The following HECTD4 variants were observed in gnomAD, a reference collection of about 807,000 sequenced individuals.
The protein encoded by HECTD4 is probable E3 ubiquitin-protein ligase HECTD4.
Under a neutral mutation model 471.5 loss-of-function variants are expected in HECTD4, and 114 were observed. The observed-to-expected ratio is 0.24, with a 90% CI of 0.21 to 0.28. HECTD4 has a LOEUF of 0.28. HECTD4 is among the 10% of genes least tolerant of loss of function. The probability of loss-of-function intolerance (pLI) is 1.00; values close to 1 mark genes in which losing one functional copy is unlikely to be tolerated. For synonymous variants in HECTD4, 2,012 were observed against 2,256.0 expected (o/e 0.89, Z 3.07); for missense variants, 3,866 against 5,651.5 (o/e 0.68, Z 10.13).
chr12:112,347,915 A>G (rs1353180376), intron 1 of HECTD4, among the ~76,000 whole-genome samples: 1 of 152,240 alleles, frequency 6.6e-6, no homozygotes, highest in Non-Finnish European at 1.5e-5. Context: ...ACAGGACAAT[A>G]TACAGAATTC....
At position 112,264,108 on chromosome 12, in the gene HECTD4, C is replaced by T. The variant is rs780383121; in HGVS notation, c.2724G>A (p.Leu908=). ...CCTGTACCTTCAATGTCTCTCCCTG[C>T]AAGGAGCTGTCACTGTCATCATTCT... ...PDENDDSDSS[L]QGETLKVQEL... The change falls in exon 17 of 76, where the codon TTG becomes TTA. Residue 908 remains leucine, a synonymous_variant. Transcript: ENST00000682272. 6.2e-7 allele frequency: 1 copy of T among 1,609,834 alleles called. No individual in the cohort carries two copies. Among genetic ancestry groups the T allele is most frequent in the Admixed American group, 1.7e-5 (1 of 59,484 alleles).
At chr12:112,292,384 A>G (rs2034906453) in intron 7 of HECTD4, among the ~76,000 whole-genome samples, 1 of 152,136 alleles carries the variant, frequency 6.6e-6, no homozygotes, top group Non-Finnish European at 1.5e-5. Flanking sequence ...CCCACACCAA[A>G]CACACACTAA....
In HECTD4 at chr12:112,265,954, G is replaced by A. The variant is rs774003158; in HGVS notation, c.2422C>T (p.Arg808Trp). ...GERNSGLSQLRDVILTNLAEQ... is the reference protein window; with the variant it reads ...GERNSGLSQLWDVILTNLAEQ... Reference sequence around the variant, plus strand: ...GCCAGGTTGGTTAGGATCACATCCCGTAGCTGGGAGAGTCCACTGTTTCTC... The same window carrying A: ...GCCAGGTTGGTTAGGATCACATCCCATAGCTGGGAGAGTCCACTGTTTCTC... Residue 808 changes from arginine (R) to tryptophan (W), a missense_variant, in exon 15 of 76, where the codon CGG (arginine) becomes TGG (tryptophan). Physicochemically the swap from Arg to Trp is moderately radical, Grantham distance 101 (BLOSUM62 -3). This residue lies in a region of HECTD4 where 525 missense variants were observed against 672.6 expected (regional missense o/e 0.78). Transcript: ENST00000682272. The A allele has an allele frequency of 3.1e-6, 5 of 1,613,692 alleles. No homozygotes were observed. Among genetic ancestry groups the A allele is most frequent in the Admixed American group, 1.7e-5 (1 of 59,998 alleles).
At position 112,213,572 on chromosome 12, in the gene HECTD4, G is replaced by C. The variant is rs1036315574; in HGVS notation, c.7466-922C>G. ...TAGGTGGCAGGCACCTGTAGTCCCA[G>C]CTACTTGGGAGGCTGAGGCAGAAGA... On this transcript the variant is annotated intron_variant, in intron 48 of 75. Coordinates refer to ENST00000682272, the MANE Select transcript of HECTD4 (RefSeq NM_001388303.1). This position sits in a 1 kb window ranked among gnomAD's most constrained non-coding sequence, Gnocchi z 4.0. Among the ~76,000 whole-genome samples the C allele has an allele frequency of 6.6e-6, 1 of 151,842 alleles. No individual in the cohort carries two copies. Among genetic ancestry groups the C allele is most frequent in the African/African-American group, 2.4e-5 (1 of 41,372 alleles).
chr12:112,231,536 T>A lies in HECTD4; in HGVS notation c.6177A>T (p.Arg2059=). ...ACCTTGCAAGCTCCGAGTTCCTCTCTCGGCAAATGGAAGTTTGGGCAGTTT... is the reference window on the plus strand; with the variant it reads ...ACCTTGCAAGCTCCGAGTTCCTCTCACGGCAAATGGAAGTTTGGGCAGTTT... The part of the protein sequence containing the change: ...KKKTAQTSIC[R]ERNSELARTD... Residue 2059 remains arginine, a synonymous_variant, in exon 39 of 76, where the codon CGA becomes CGT. Transcript: ENST00000682272. The A allele has an allele frequency of 6.2e-7, 1 of 1,614,076 alleles. No homozygotes were observed. The highest frequency in any genetic ancestry group is 8.5e-7 in the Non-Finnish European group (1 of 1,179,904).
At chr12:112,247,593 G>A (rs994939683) in intron 27 of HECTD4, 43 bp from the exon 28 acceptor site, 2 of 937,396 alleles carry the variant, frequency 2.1e-6, no homozygotes, top group African/African-American at 3.4e-5. Flanking sequence ...CAAGAACCAA[G>A]TTTTACTATA....
intron 48 of HECTD4, 34 bp from the exon 49 acceptor site, chr12:112,212,684 C>T (rs2032798516): frequency 6.4e-7 from 1 of 1,561,180 alleles, no homozygotes; most frequent in Non-Finnish European, 8.7e-7. Context: ...AACATATTTT[C>T]TCCCTTTTAT....
At chr12:112,334,494 T>C (rs989492120) in intron 1 of HECTD4, among the ~76,000 whole-genome samples, 1 of 151,816 alleles carries the variant, frequency 6.6e-6, no homozygotes, top group Admixed American at 6.6e-5. Flanking sequence ...ACCTTACTCC[T>C]GCAAGAATGG....
chr12:112,319,574 C>T lies in HECTD4; in HGVS notation c.346G>A (p.Glu116Lys). Residue 116 changes from glutamate (E) to lysine (K), a missense_variant, in exon 2 of 76, where the codon GAA becomes AAA. Glu to Lys is a moderately conservative substitution (Grantham distance 56). Coordinates refer to ENST00000682272, the MANE Select transcript of HECTD4 (RefSeq NM_001388303.1). This position sits in a 1 kb window ranked among gnomAD's most constrained non-coding sequence, Gnocchi z 5.3. Reference sequence around the variant, plus strand: ...AAAGTTTCCTCATCACCTGAACTTTCCCTTTCATGCTGTTCTTCTAAGGCC... The same window carrying T: ...AAAGTTTCCTCATCACCTGAACTTTTCCTTTCATGCTGTTCTTCTAAGGCC... ...QLALEEQHER[E>K]SSGDEETLAL... is the part of the protein sequence containing the mutation. 7.0e-7 allele frequency: 1 copy of T among 1,432,504 alleles called. No homozygotes were observed. The highest frequency in any genetic ancestry group is 9.1e-7 in the Non-Finnish European group (1 of 1,098,314). 88.7% of individuals were successfully genotyped at this position (1,432,504 alleles called of 1,614,324 possible).
chr12:112,178,901 T>C (rs2137019229), intron 64 of HECTD4, 30 bp downstream of exon 64: 1 of 1,585,226 alleles, frequency 6.3e-7, no homozygotes, highest in Non-Finnish European at 8.6e-7. Flanking sequence ...GCCCACAGGC[T>C]GGGCTGCCCA....
In HECTD4 at chr12:112,331,534, C is replaced by T. The variant is rs565839348; in HGVS notation, c.178-11792G>A. Among the ~76,000 whole-genome samples, 7 of 152,314 alleles carry T rather than the reference C, an allele frequency of 4.6e-5. No homozygotes were observed. In the South Asian group the frequency reaches 1.0e-3, roughly 23 times the overall value. On this transcript the variant is annotated intron_variant, in intron 1 of 75. Coordinates refer to ENST00000682272, the MANE Select transcript of HECTD4 (RefSeq NM_001388303.1). ...AGTCTGTATTTCCGCATCTATAAAA[C>T]GAGGGTAGCACCTCCCTTCATTTTA...
chr12:112,380,010 A>G (rs1342135043), intron 1 of HECTD4, among the ~76,000 whole-genome samples: 3 of 152,130 alleles, frequency 2.0e-5, no homozygotes, highest in Non-Finnish European at 4.4e-5. Context: ...AAATTCACGC[A>G]ATACATTTAT....
At chr12:112,312,842 G>C (rs1253744839) in intron 4 of HECTD4, among the ~76,000 whole-genome samples, 175 bp downstream of exon 4, 1 of 152,084 alleles carries the variant, frequency 6.6e-6, no homozygotes, top group African/African-American at 2.4e-5. Context: ...TACCTCACCA[G>C]TATCAGCTTT....
In HECTD4 at chr12:112,216,755, G is replaced by A; in HGVS notation, c.7385+18C>T. The A allele has an allele frequency of 1.3e-5, 21 of 1,611,374 alleles. No homozygotes were observed. The highest frequency in any genetic ancestry group is 2.2e-5 in the East Asian group (1 of 44,780). ...AGGCTACTGCTCTCTGTCACACTGA[G>A]CTACTTCTTTTACTTACTTATGGAA... On this transcript the variant is annotated intron_variant, in intron 47 of 75. Coordinates refer to ENST00000682272, the MANE Select transcript of HECTD4 (RefSeq NM_001388303.1).
At chr12:112,211,640 T>C (rs548747130) in intron 49 of HECTD4, among the ~76,000 whole-genome samples, 2 of 151,916 alleles carry the variant, frequency 1.3e-5, no homozygotes, top group South Asian at 4.2e-4. Flanking sequence ...GCCGGGTTGT[T>C]GATGGAAGAA....
intron 1 of HECTD4, among the ~76,000 whole-genome samples, chr12:112,344,816 G>A (rs1337095673): frequency 6.6e-6 from 1 of 152,182 alleles, no homozygotes; most frequent in East Asian, 1.9e-4. Context: ...TATTTGGGAG[G>A]CTGAGGCAGG....
chr12:112,315,890 T>G (rs1289467990), intron 2 of HECTD4, among the ~76,000 whole-genome samples: 1 of 129,576 alleles, frequency 7.7e-6, no homozygotes, highest in African/African-American at 3.0e-5. Flanking sequence ...AATGAGACCA[T>G]GTCTTAAAAA....
In HECTD4 at chr12:112,218,740, CCT is replaced by C. The variant is rs1273027942; in HGVS notation, c.7074+644_7074+645del. On this transcript the variant is annotated intron_variant, in intron 45 of 75. Coordinates refer to ENST00000682272, the MANE Select transcript of HECTD4 (RefSeq NM_001388303.1). ...ATGTACCAATTTTTAACATTTTGCCCCTCTTTTTTTTTTGGACAGAGTCTTGC... is the reference window on the plus strand; with the variant it reads ...ATGTACCAATTTTTAACATTTTGCCCCTTTTTTTTTTGGACAGAGTCTTGC... Among the ~76,000 whole-genome samples the C allele has an allele frequency of 2.6e-5, 4 of 151,858 alleles. No homozygotes were observed. In the South Asian group the frequency reaches 6.2e-4, roughly 24 times the overall value.
chr12:112,341,472 T>G (rs2036053336), intron 1 of HECTD4, among the ~76,000 whole-genome samples: 1 of 152,180 alleles, frequency 6.6e-6, no homozygotes, highest in African/African-American at 2.4e-5. Context: ...ACTAAGTCCC[T>G]CTAAGAAACA....
Sources: gnomAD v4.1 joint callset for allele counts (sites outside exome capture counted in the v4.1 genomes callset) on GRCh38, gnomAD v4.1.1 for gene constraint, gnomAD v4.1.1 regional missense constraint, Gnocchi (gnomAD v3.1) non-coding constraint, MANE v1.5 for transcripts, NCBI Gene and HGNC (gene_info 2026-07-23, HGNC 2026-07-21) for gene names.